Variants in ALX4 observed in about 807,000 individuals in gnomAD.
ALX4 encodes the protein homeobox protein aristaless-like 4.
In ALX4, 22 loss-of-function variants were observed where a neutral mutation model predicts 40.6. The ratio of observed to expected loss-of-function variants is 0.54; its 90% CI spans 0.39 to 0.77. ALX4 has a LOEUF of 0.77. Ranked by LOEUF, ALX4 falls within the 30% of genes least tolerant of loss-of-function variation. ALX4 has a pLI of 0.00. For synonymous variants in ALX4, 266 were observed against 240.5 expected (o/e 1.11, Z -0.98); for missense variants, 556 against 564.8 (o/e 0.98, Z 0.16).
intron 1 of ALX4, among the ~76,000 whole-genome samples, chr11:44,293,138 AGG>A (rs1158155518): frequency 1.5e-5 from 1 of 65,106 alleles, no homozygotes. Flanking sequence ...GAAGGAAGGA[AGG>A]AAGGAAGGAA....
intron 3 of ALX4, 66 bp downstream of exon 3, chr11:44,267,428 C>T: frequency 6.2e-7 from 1 of 1,601,990 alleles, no homozygotes; most frequent in Non-Finnish European, 8.5e-7. Context: ...GGCTCTCCTC[C>T]AAGGGGCTCA....
rs886048300 is a variant in ALX4 at position 44,263,446 on chromosome 11, C to A, written c.*1408G>T. The A allele has an allele frequency of 5.9e-5, 9 of 152,306 alleles. No individual in the cohort carries two copies. Among genetic ancestry groups the A allele is most frequent in the African/African-American group, 2.2e-4 (9 of 41,440 alleles). 9.4% of individuals were successfully genotyped at this position (152,306 alleles called of 1,614,324 possible). A position where few individuals can be genotyped will look rare whatever the true frequency, so the allele number is the denominator to read the frequency against. On this transcript the variant is annotated 3_prime_UTR_variant, in exon 4 of 4. Transcript: ENST00000652299. ...GGCAGGAAGCCTGGTTTCAGGAGGG[C>A]ATCCTGACAGCCCCATTTGCAATAG...
At chr11:44,269,125 G>A (rs539591489) in intron 2 of ALX4, among the ~76,000 whole-genome samples, 41 of 152,350 alleles carry the variant, frequency 2.7e-4, no homozygotes, top group South Asian at 1.7e-3. Flanking sequence ...GAACCACTGC[G>A]AGGAGGGGAG....
At chr11:44,277,545 C>T (rs991339730) in intron 1 of ALX4, among the ~76,000 whole-genome samples, 1 of 152,170 alleles carries the variant, frequency 6.6e-6, no homozygotes, top group Non-Finnish European at 1.5e-5. Context: ...CACTCTGACC[C>T]GCGGTTTCTT....
At chr11:44,281,204 T>A (rs922047007) in intron 1 of ALX4, among the ~76,000 whole-genome samples, 8 of 152,052 alleles carry the variant, frequency 5.3e-5, no homozygotes, top group Non-Finnish European at 2.9e-5. Flanking sequence ...TATGTACAGA[T>A]GTACACCCGA....
At chr11:44,309,137 C>A (rs1284061040) in intron 1 of ALX4, among the ~76,000 whole-genome samples, 1 of 92,586 alleles carries the variant, frequency 1.1e-5, no homozygotes, top group Non-Finnish European at 2.7e-5. Context: ...AGGAGCGAGG[C>A]TTCTGCAGTC....
chr11:44,299,167 A>C (rs534771236), intron 1 of ALX4, among the ~76,000 whole-genome samples: 1 of 152,094 alleles, frequency 6.6e-6, no homozygotes, highest in South Asian at 2.1e-4. Flanking sequence ...CATTCCTCAT[A>C]CCAGCTATGA....
Position 44,275,553 on chromosome 11 carries a change from TG to T in ALX4, c.571del (p.Gln191ArgfsTer59). 1 of 1,614,170 alleles carries T rather than the reference TG, an allele frequency of 6.2e-7. No homozygotes were observed. The highest frequency in any genetic ancestry group is 8.5e-7 in the Non-Finnish European group (1 of 1,180,016). On this transcript the variant is annotated frameshift_variant, in exon 2 of 4. Coordinates refer to ENST00000652299, the MANE Select transcript of ALX4 (RefSeq NM_021926.4). LOFTEE classifies it high-confidence loss of function. ...SVKEAGVKGP[Q>X]DRASSDLPSP... ...GGGGAGGTCTGAGCTGGCCCGGTCCTGGGGCCCCTTCACCCCAGCCTCCTTG... is the reference window on the plus strand; with the variant it reads ...GGGGAGGTCTGAGCTGGCCCGGTCCTGGGCCCCTTCACCCCAGCCTCCTTG...
chr11:44,277,147 G>A (rs908554059), intron 1 of ALX4, among the ~76,000 whole-genome samples: 1 of 152,198 alleles, frequency 6.6e-6, no homozygotes, highest in Non-Finnish European at 1.5e-5. Context: ...GGTAGCTGTG[G>A]GAAATAAAGA....
At chr11:44,291,652 C>T (rs1195009051) in intron 1 of ALX4, among the ~76,000 whole-genome samples, 1 of 152,032 alleles carries the variant, frequency 6.6e-6, no homozygotes, top group Non-Finnish European at 1.5e-5. Context: ...GCAATCCGCC[C>T]GCCTCAGCCT....
At chr11:44,298,043 G>A (rs991089135) in intron 1 of ALX4, among the ~76,000 whole-genome samples, 14 of 152,198 alleles carry the variant, frequency 9.2e-5, no homozygotes, top group Non-Finnish European at 2.1e-4. Flanking sequence ...GAGGGCAGGA[G>A]CCAGTTCATT....
intron 1 of ALX4, among the ~76,000 whole-genome samples, chr11:44,277,113 A>C (rs1956282606): frequency 6.6e-6 from 1 of 152,198 alleles, no homozygotes; most frequent in Admixed American, 6.5e-5. Flanking sequence ...GGGGATGAAG[A>C]TACTTCTAGG....
chr11:44,266,244 G>A (rs1485489586), intron 3 of ALX4, among the ~76,000 whole-genome samples: 2 of 152,172 alleles, frequency 1.3e-5, no homozygotes, highest in Non-Finnish European at 2.9e-5. Flanking sequence ...GGGTAGGAGG[G>A]GTGAACAGGG....
chr11:44,264,664 A>AG lies in ALX4; in HGVS notation c.*189dup. The AG allele has an allele frequency of 1.5e-6, 1 of 647,752 alleles. No homozygotes were observed. The highest frequency in any genetic ancestry group is 1.9e-5 in the South Asian group (1 of 51,518). 40.1% of individuals were successfully genotyped at this position (647,752 alleles called of 1,614,324 possible). A position where few individuals can be genotyped will look rare whatever the true frequency, so the allele number is the denominator to read the frequency against. On this transcript the variant is annotated 3_prime_UTR_variant, in exon 4 of 4. Coordinates refer to ENST00000652299, the MANE Select transcript of ALX4 (RefSeq NM_021926.4). ...AGGGCCTCAGTGCCAGGGAGGGGCCAGGGGCCTGCTGCCCCCTCCCTCCCA... is the reference window on the plus strand; with the variant it reads ...AGGGCCTCAGTGCCAGGGAGGGGCCAGGGGGCCTGCTGCCCCCTCCCTCCCA...
intron 1 of ALX4, among the ~76,000 whole-genome samples, chr11:44,298,569 TGAG>T (rs1209422300): frequency 1.3e-5 from 2 of 151,886 alleles, no homozygotes; most frequent in Non-Finnish European, 2.9e-5. Context: ...GGGGGAGACC[TGAG>T]GAGGAGAGTT....
chr11:44,281,187 G>A (rs1296795007), intron 1 of ALX4, among the ~76,000 whole-genome samples: 1 of 151,926 alleles, frequency 6.6e-6, no homozygotes, highest in East Asian at 1.9e-4. Context: ...GGTGCTGGTA[G>A]CATCTGTATG....
chr11:44,309,721 GGGCTGCGGCTGCTGCTGCTGCGGCTGC>G lies in ALX4; in HGVS notation c.315_341del (p.Gln108_Pro116del), dbSNP rs1565013450. On this transcript the variant is annotated inframe_deletion, in exon 1 of 4. Transcript: ENST00000652299. ...AAAGATGCGGTTGCGCGGGCGGCTGGGGCTGCGGCTGCTGCTGCTGCGGCTGCGGCTGCGGCGGCGGCTGGGGCTGCG... is the reference window on the plus strand; with the variant it reads ...AAAGATGCGGTTGCGCGGGCGGCTGGGGCTGCGGCGGCGGCTGGGGCTGCG... 3 of 1,568,444 alleles carry G rather than the reference GGGCTGCGGCTGCTGCTGCTGCGGCTGC, an allele frequency of 1.9e-6. No homozygotes were observed. The highest frequency in any genetic ancestry group is 1.4e-5 in the African/African-American group (1 of 73,184).
At chr11:44,283,821 C>G (rs2119831557) in intron 1 of ALX4, among the ~76,000 whole-genome samples, 1 of 152,316 alleles carries the variant, frequency 6.6e-6, no homozygotes, top group African/African-American at 2.4e-5. Flanking sequence ...GTCTTGGTCT[C>G]CCAAAGTGCT....
At chr11:44,281,470 A>G (rs889546654) in intron 1 of ALX4, among the ~76,000 whole-genome samples, 6 of 151,758 alleles carry the variant, frequency 4.0e-5, no homozygotes, top group African/African-American at 1.2e-4. Context: ...TTTATCCTCC[A>G]TGGTTTTGAT....
Sources: gnomAD v4.1 joint callset for allele counts (sites outside exome capture counted in the v4.1 genomes callset) on GRCh38, gnomAD v4.1.1 for gene constraint, MANE v1.5 for transcripts, NCBI Gene and HGNC (gene_info 2026-07-23, HGNC 2026-07-21) for gene names.